CDH20: variants seen among roughly 807,000 people sequenced by gnomAD.
CDH20 encodes the protein cadherin 20, also known as cadherin-20.
CDH20 carries 29 observed loss-of-function variants against 74.2 expected under a neutral mutation model. The ratio of observed to expected loss-of-function variants is 0.39; its 90% CI spans 0.29 to 0.53. CDH20 has a LOEUF of 0.53. CDH20 is among the 20% of genes least tolerant of loss of function. The pLI is 0.69. For synonymous variants in CDH20, 469 were observed against 405.4 expected (o/e 1.16, Z -1.88); for missense variants, 988 against 1,048.3 (o/e 0.94, Z 0.79).
At chr18:61,343,420 G>A (rs1242383319) in intron 1 of CDH20, among the ~76,000 whole-genome samples, 1 of 152,208 alleles carries the variant, frequency 6.6e-6, no homozygotes, top group Non-Finnish European at 1.5e-5. Context: ...ACATGTGCCA[G>A]TGAGAAAAGC....
At chr18:61,547,739 C>T (rs1260705286) in intron 10 of CDH20, among the ~76,000 whole-genome samples, 1 of 151,266 alleles carries the variant, frequency 6.6e-6, no homozygotes, top group Non-Finnish European at 1.5e-5. Flanking sequence ...CCCACACACA[C>T]AGTGTTCTGT....
chr18:61,461,812 T>C (rs931012759), intron 1 of CDH20, among the ~76,000 whole-genome samples: 1 of 152,154 alleles, frequency 6.6e-6, no homozygotes, highest in Admixed American at 6.5e-5. Flanking sequence ...CCATTTGGTA[T>C]ACACCCCTTG....
chr18:61,389,126 A>G (rs1473424733), intron 1 of CDH20, among the ~76,000 whole-genome samples: 1 of 152,156 alleles, frequency 6.6e-6, no homozygotes, highest in Non-Finnish European at 1.5e-5. Context: ...TCCCCCTCTC[A>G]CATCTCTACT....
chr18:61,485,758 G>A (rs1310506981), intron 1 of CDH20, among the ~76,000 whole-genome samples: 1 of 152,066 alleles, frequency 6.6e-6, no homozygotes, highest in Non-Finnish European at 1.5e-5. Context: ...CCCAGTCAAG[G>A]TTCTCTCTCG....
chr18:61,432,356 C>A (rs2144298964), intron 1 of CDH20, among the ~76,000 whole-genome samples: 1 of 152,166 alleles, frequency 6.6e-6, no homozygotes. Context: ...TATTTCCCAG[C>A]ACCCCAGCTG....
chr18:61,342,465 G>A (rs2144093972), intron 1 of CDH20, among the ~76,000 whole-genome samples: 1 of 152,306 alleles, frequency 6.6e-6, no homozygotes, highest in Non-Finnish European at 1.5e-5. Flanking sequence ...TCACCACTCA[G>A]TTCTACTGCT....
intron 6 of CDH20, among the ~76,000 whole-genome samples, chr18:61,514,573 G>A (rs1477764378): frequency 7.3e-5 from 11 of 151,560 alleles, no homozygotes; most frequent in African/African-American, 1.5e-4. Context: ...GAGGAGAGGC[G>A]CTCTGCTTTT....
At chr18:61,490,831 A>G in intron 2 of CDH20, 32 bp downstream of exon 2, 2 of 1,608,272 alleles carry the variant, frequency 1.2e-6, no homozygotes, top group Non-Finnish European at 1.7e-6. Flanking sequence ...TGACCCGGGT[A>G]TTGGATATTG....
intron 1 of CDH20, among the ~76,000 whole-genome samples, chr18:61,399,751 C>T (rs1219734752): frequency 6.6e-6 from 1 of 152,132 alleles, no homozygotes; most frequent in Admixed American, 6.5e-5. Flanking sequence ...CTTAAATCAG[C>T]CTCTTTTTAA....
chr18:61,440,845 T>C (rs929837580), intron 1 of CDH20, among the ~76,000 whole-genome samples: 1 of 152,152 alleles, frequency 6.6e-6, no homozygotes, highest in Non-Finnish European at 1.5e-5. Flanking sequence ...TTGGAACTTC[T>C]GCAGGCCAAA....
intron 10 of CDH20, among the ~76,000 whole-genome samples, chr18:61,549,534 A>T (rs1913361858): frequency 6.6e-6 from 1 of 152,250 alleles, no homozygotes; most frequent in South Asian, 2.1e-4. Context: ...GTAATCTGCC[A>T]CAGTCACACA....
intron 1 of CDH20, among the ~76,000 whole-genome samples, chr18:61,446,605 T>TTATTCAAATTAC (rs1909211938): frequency 2.0e-5 from 3 of 152,162 alleles, no homozygotes. Flanking sequence ...TTCCCTCAGT[T>TTATTCAAATTAC]TATTCAAATT....
chr18:61,539,617 C>A (rs1314428373), intron 9 of CDH20, among the ~76,000 whole-genome samples: 1 of 152,124 alleles, frequency 6.6e-6, no homozygotes, highest in Non-Finnish European at 1.5e-5. Context: ...AAGTGAGAGA[C>A]CAGGAAGACC....
chr18:61,429,981 A>G (rs1913200700), intron 1 of CDH20, among the ~76,000 whole-genome samples: 1 of 152,088 alleles, frequency 6.6e-6, no homozygotes, highest in Admixed American at 6.6e-5. Flanking sequence ...CAAGGGAGCT[A>G]TAACATCAGA....
chr18:61,455,391 C>A (rs918871575), intron 1 of CDH20, among the ~76,000 whole-genome samples: 1 of 152,094 alleles, frequency 6.6e-6, no homozygotes, highest in African/African-American at 2.4e-5. Flanking sequence ...GTTTGTAAGA[C>A]AAAAGATTCC....
intron 1 of CDH20, among the ~76,000 whole-genome samples, chr18:61,442,179 C>G (rs1245900967): frequency 1.3e-5 from 2 of 151,844 alleles, no homozygotes; most frequent in African/African-American, 2.4e-5. Flanking sequence ...GCAAGACTCT[C>G]TCCCTACGTA....
chr18:61,448,257 C>T (rs988375572), intron 1 of CDH20, among the ~76,000 whole-genome samples: 1 of 152,188 alleles, frequency 6.6e-6, no homozygotes, highest in South Asian at 2.1e-4. Context: ...CTAGCCCTCA[C>T]CCAATTACAG....
chr18:61,339,763 C>G (rs1195065995), intron 1 of CDH20, among the ~76,000 whole-genome samples: 1 of 136,448 alleles, frequency 7.3e-6, no homozygotes, highest in Non-Finnish European at 1.5e-5. Flanking sequence ...TCTTGGCTCA[C>G]TGCAAGCTCC....
chr18:61,417,496 G>A (rs150250609), intron 1 of CDH20, among the ~76,000 whole-genome samples: 142 of 146,686 alleles, frequency 9.7e-4, no homozygotes, highest in African/African-American at 3.4e-3. Context: ...CAACATGGAT[G>A]GAATTGGAGG....
Sources: allele counts gnomAD v4.1 joint callset (sites outside exome capture counted in the v4.1 genomes callset), GRCh38; gene constraint gnomAD v4.1.1; transcripts MANE v1.5; gene names NCBI Gene and HGNC (gene_info 2026-07-23, HGNC 2026-07-21).